Variants in USP40 observed in about 807,000 individuals in gnomAD.
The protein encoded by USP40 is ubiquitin specific peptidase 40.
In USP40, 143 loss-of-function variants were observed where a neutral mutation model predicts 166.2. The observed-to-expected ratio is 0.86, with a 90% CI of 0.75 to 0.99. The LOEUF is 0.99. USP40 is among the 50% of genes least tolerant of loss of function. The pLI, the probability that USP40 is intolerant of heterozygous loss-of-function variation, is 0.00. For missense variants in USP40, 1,444 were observed against 1,479.7 expected, an observed-to-expected ratio of 0.98 and a Z score of 0.40; for synonymous variants, 498 against 524.0, an observed-to-expected ratio of 0.95 and a Z score of 0.68.
At chr2:233,527,910 T>C (rs2068160457) in intron 12 of USP40, among the ~76,000 whole-genome samples, 1 of 151,174 alleles carries the variant, frequency 6.6e-6, no homozygotes, top group Non-Finnish European at 1.5e-5. Flanking sequence ...CATCATTATG[T>C]TAAGTAGCAG....
At chr2:233,557,760 G>A (rs1004420041) in intron 4 of USP40, among the ~76,000 whole-genome samples, 3 of 152,128 alleles carry the variant, frequency 2.0e-5, no homozygotes, top group African/African-American at 7.2e-5. Context: ...TTGGCACAGG[G>A]ATGTCACTGT....
chr2:233,498,228 A>C lies in USP40; in HGVS notation c.2715+320T>G, dbSNP rs182003105. On this transcript the variant is annotated intron_variant, in intron 23 of 31. Coordinates refer to ENST00000678225, the MANE Select transcript of USP40 (RefSeq NM_001365479.2). ...AAACATTCAGGGGCCAAAACTTCAG[A>C]GTGTATCTATAAAATTCCTTCATGA... 9.2e-5 allele frequency among the ~76,000 whole-genome samples: 14 copies of C among 152,254 alleles called. No homozygotes were observed. In the East Asian group the frequency reaches 2.5e-3, roughly 27 times the overall value.
rs7603410 is a variant in USP40 at position 233,546,139 on chromosome 2, T to G, written c.966+2962A>C. 2.6e-5 allele frequency: 4 copies of G among 152,230 alleles called. No individual in the cohort carries two copies. In the South Asian group the frequency reaches 8.3e-4, roughly 32 times the overall value. 9.4% of individuals were successfully genotyped at this position (152,230 alleles called of 1,614,324 possible). On this transcript the variant is annotated intron_variant, in intron 8 of 31. Transcript: ENST00000678225. ...AAAAATGGACAGGCAGTGCAGAGAC[T>G]GAAGCCACATGAAGGAATGCCTGCC...
chr2:233,549,539 C>A (rs987119254), intron 7 of USP40, among the ~76,000 whole-genome samples: 1 of 151,958 alleles, frequency 6.6e-6, no homozygotes, highest in African/African-American at 2.4e-5. Flanking sequence ...AATATGTTAC[C>A]CTATCAGTGA....
chr2:233,504,711 C>T lies in USP40; in HGVS notation c.2614-4796G>A, dbSNP rs911549090. ...CACCAGAACACCCAAATATATAAAG[C>T]TAATATTATTAGACCTCTAGGGGAA... On this transcript the variant is annotated intron_variant, in intron 21 of 31. Coordinates refer to ENST00000678225, the MANE Select transcript of USP40 (RefSeq NM_001365479.2). Among the ~76,000 whole-genome samples, 3 of 151,732 alleles carry T rather than the reference C, an allele frequency of 2.0e-5. No homozygotes were observed. In the East Asian group the frequency reaches 5.8e-4, roughly 29 times the overall value.
chr2:233,562,728 A>ATTTT lies in USP40; in HGVS notation c.267+7_267+8insAAAA. Reference sequence around the variant, plus strand: ...CTTAAAGTATAATAATAATAATAATAAAAATACCTTTGCATCGGGTTTATC... The same window carrying ATTTT: ...CTTAAAGTATAATAATAATAATAATATTTTAAAATACCTTTGCATCGGGTTTATC... On this transcript the variant is annotated splice_region_variant and intron_variant, in intron 3 of 31. Transcript: ENST00000678225. The ATTTT allele has an allele frequency of 2.0e-6, 3 of 1,500,348 alleles. No individual in the cohort carries two copies. Among genetic ancestry groups the ATTTT allele is most frequent in the Non-Finnish European group, 2.7e-6 (3 of 1,119,972 alleles). The allele number at this position is 1,500,348 out of a possible 1,614,324, so 92.9% of individuals were successfully genotyped here.
intron 18 of USP40, among the ~76,000 whole-genome samples, chr2:233,515,774 A>T (rs1051665272): frequency 6.6e-6 from 1 of 152,186 alleles, no homozygotes; most frequent in East Asian, 1.9e-4. Context: ...TGATAAAGTA[A>T]CAAAGATTTC....
intron 23 of USP40, 148 bp from the exon 24 acceptor site, chr2:233,496,980 C>CTTT: frequency 1.7e-6 from 1 of 593,702 alleles, no homozygotes; most frequent in East Asian, 2.8e-5. Flanking sequence ...TAAGCTAAGA[C>CTTT]TATAAAATCA....
In USP40 at chr2:233,556,947, T is replaced by C; in HGVS notation, c.454A>G (p.Thr152Ala). ...CGATAGATGAGGTCATGACCGGAGGTCCCAACTAAAGAAGTTTCCAAAGCG... is the reference window on the plus strand; with the variant it reads ...CGATAGATGAGGTCATGACCGGAGGCCCCAACTAAAGAAGTTTCCAAAGCG... ...FSALETSLVG[T>A]SGHDLIYRLY... Residue 152 changes from threonine to alanine, a missense_variant, in exon 5 of 32, where the codon ACC becomes GCC. Coordinates refer to ENST00000678225, the MANE Select transcript of USP40 (RefSeq NM_001365479.2). 6.2e-7 allele frequency: 1 copy of C among 1,613,914 alleles called. No individual in the cohort carries two copies. Among genetic ancestry groups the C allele is most frequent in the Non-Finnish European group, 8.5e-7 (1 of 1,179,850 alleles).
In USP40 at chr2:233,491,223, AGAG is replaced by A; in HGVS notation, c.2953_2955del (p.Leu985del). The A allele has an allele frequency of 6.2e-7, 1 of 1,612,390 alleles. No individual in the cohort carries two copies. The highest frequency in any genetic ancestry group is 8.5e-7 in the Non-Finnish European group (1 of 1,179,286). ...TCTGAGATCTCTATGTCTCCCAAGT[AGAG>A]GAGAGAAACTTGCGCAGGCTCGTTC... On this transcript the variant is annotated inframe_deletion, in exon 26 of 32. Transcript: ENST00000678225.
At chr2:233,481,469 G>A (rs2064585673) in intron 30 of USP40, 172 bp from the exon 31 acceptor site, 3 of 623,642 alleles carry the variant, frequency 4.8e-6, no homozygotes, top group Non-Finnish European at 5.5e-6. Context: ...AAACAAACTC[G>A]GGGGTGGCAA....
Position 233,549,123 on chromosome 2 carries a change from T to G in USP40, c.944A>C (p.His315Pro). 6.3e-7 allele frequency: 1 copy of G among 1,599,144 alleles called. No individual in the cohort carries two copies. The highest frequency in any genetic ancestry group is 8.5e-7 in the Non-Finnish European group (1 of 1,173,722). ...TACTTGAAACTGCCAGTTTCCCAAA[T>G]GATCAACATCTTTAATATATACATG... The part of the protein sequence containing the change: ...HYHVYIKDVD[H>P]LGNWQFQEEK... The change falls in exon 8 of 32, where the codon CAT becomes CCT. Residue 315 changes from histidine to proline, a missense_variant. Coordinates refer to ENST00000678225, the MANE Select transcript of USP40 (RefSeq NM_001365479.2).
intron 11 of USP40, 77 bp from the exon 12 acceptor site, chr2:233,529,589 G>T (rs1017371783): frequency 1.5e-5 from 16 of 1,068,498 alleles, no homozygotes; most frequent in African/African-American, 6.8e-5. Context: ...TGAAGACTAG[G>T]AAGGACTGTC....
In USP40 at chr2:233,499,882, G is replaced by T. The variant is rs779752943; in HGVS notation, c.2647C>A (p.Gln883Lys). Reference protein sequence around the residue: ...LKLMLKKSGLQGDAWHLRKMD... With the variant: ...LKLMLKKSGLKGDAWHLRKMD... ...GTCATCATGGTAAGTAACTTACCTT[G>T]TAGGCCAGATTTCTTCAGCATTAAC... The change falls in exon 22 of 32, where the codon CAA becomes AAA. Residue 883 changes from glutamine (Q) to lysine (K), a missense_variant. Coordinates refer to ENST00000678225, the MANE Select transcript of USP40 (RefSeq NM_001365479.2). The T allele has an allele frequency of 6.2e-7, 1 of 1,611,358 alleles. No homozygotes were observed. Among genetic ancestry groups the T allele is most frequent in the South Asian group, 1.1e-5 (1 of 90,512 alleles).
rs771735332 is a variant in USP40, at chr2:233,493,432, G to A, written c.2910C>T (p.Ser970=). 1.9e-6 allele frequency: 3 copies of A among 1,613,956 alleles called. No individual in the cohort carries two copies. Among genetic ancestry groups the A allele is most frequent in the Middle Eastern group, 1.6e-4 (1 of 6,062 alleles). ...SSWGRVWRAT[S]SQGASGNEPA... ...ATCCCATTCTGTTCTCACCTTGGCT[G>A]GAAGTGGCTCTCCAAACTCTGCCCC... Residue 970 remains serine (S), a synonymous_variant, in exon 25 of 32, where the codon TCC becomes TCT. Transcript: ENST00000678225. The surrounding 1 kb of genome is among the most constrained non-coding windows in gnomAD (Gnocchi z 4.7).
intron 27 of USP40, among the ~76,000 whole-genome samples, 172 bp from the exon 28 acceptor site, chr2:233,488,476 A>C (rs750511479): frequency 1.3e-5 from 2 of 152,222 alleles, no homozygotes; most frequent in Non-Finnish European, 2.9e-5. Flanking sequence ...TGCTGCGGTG[A>C]TTATTTAGAT....
In USP40 at chr2:233,527,549, A is replaced by G. The variant is rs750422457; in HGVS notation, c.1583T>C (p.Phe528Ser). ...RAECDSANNT[F>S]ELHLHLGPQY... is the part of the protein sequence containing the mutation. ...AGGGCCCAGGTGAAGATGCAATTCA[A>G]AAGTATTGTTTGCAGAATCACATTC... The change falls in exon 13 of 32, where the codon TTT becomes TCT. Residue 528 changes from phenylalanine (F) to serine (S), a missense_variant. By Grantham distance (155) the Phe-to-Ser change is radical. Transcript: ENST00000678225. The G allele has an allele frequency of 1.1e-5, 18 of 1,611,530 alleles. No homozygotes were observed. The highest frequency in any genetic ancestry group is 1.5e-5 in the Non-Finnish European group (18 of 1,179,252).
At chr2:233,514,267 T>C (rs1416221203) in intron 18 of USP40, among the ~76,000 whole-genome samples, 1 of 152,078 alleles carries the variant, frequency 6.6e-6, no homozygotes, top group Non-Finnish European at 1.5e-5. Context: ...CAGTGATAAA[T>C]GCTATGAAGG....
chr2:233,529,562 T>C, intron 11 of USP40, 50 bp from the exon 12 acceptor site: 3 of 1,450,274 alleles, frequency 2.1e-6, no homozygotes, highest in Non-Finnish European at 2.8e-6. Flanking sequence ...GAAATCTGGT[T>C]GCTGGAAGAG....
Sources: allele counts gnomAD v4.1 joint callset (sites outside exome capture counted in the v4.1 genomes callset), GRCh38; gene constraint gnomAD v4.1.1; non-coding constraint Gnocchi (gnomAD v3.1); transcripts MANE v1.5; gene names NCBI Gene and HGNC (gene_info 2026-07-23, HGNC 2026-07-21).